Variants in SORCS2 observed in about 807,000 individuals in gnomAD.
SORCS2 encodes the protein sortilin related VPS10 domain containing receptor 2.
Under a neutral mutation model 141.6 loss-of-function variants are expected in SORCS2, and 100 were observed. That is an observed-to-expected ratio of 0.71 (90% CI 0.60 to 0.83). The LOEUF is 0.83. Ranked by LOEUF, SORCS2 falls within the 40% of genes least tolerant of loss-of-function variation. The pLI is 0.00. For missense variants in SORCS2, 1,646 were observed against 1,560.2 expected, an observed-to-expected ratio of 1.05 and a Z score of -0.93; for synonymous variants, 789 against 676.9, an observed-to-expected ratio of 1.17 and a Z score of -2.57.
chr4:7,416,552 G>A (rs1725687221), intron 2 of SORCS2, among the ~76,000 whole-genome samples: 1 of 152,062 alleles, frequency 6.6e-6, no homozygotes, highest in Admixed American at 6.5e-5. Flanking sequence ...ACACGTGCAT[G>A]CATGTGCACA....
At chr4:7,666,752 G>T (rs575512007) in intron 7 of SORCS2, among the ~76,000 whole-genome samples, 1 of 152,106 alleles carries the variant, frequency 6.6e-6, no homozygotes, top group Non-Finnish European at 1.5e-5. Context: ...AGATGGTGCC[G>T]GCTTTGTTTG....
chr4:7,414,166 C>A (rs1012750418), intron 2 of SORCS2, among the ~76,000 whole-genome samples: 4 of 152,204 alleles, frequency 2.6e-5, no homozygotes, highest in East Asian at 1.9e-4. Flanking sequence ...TAGGCATCAA[C>A]AATTCAGACT....
chr4:7,731,684 A>G (rs1020610546), intron 23 of SORCS2, among the ~76,000 whole-genome samples: 5 of 152,236 alleles, frequency 3.3e-5, no homozygotes, highest in African/African-American at 4.8e-5. Context: ...TTGATTTTCA[A>G]TAAAGCTGTC....
intron 2 of SORCS2, among the ~76,000 whole-genome samples, chr4:7,396,627 T>G (rs4689724): frequency 6.6e-6 from 1 of 152,230 alleles, no homozygotes; most frequent in Non-Finnish European, 1.5e-5. Context: ...CGCTTCCTTT[T>G]TTTCCTCCCC....
chr4:7,546,742 A>AC (rs1456298639), intron 3 of SORCS2, among the ~76,000 whole-genome samples: 1 of 152,206 alleles, frequency 6.6e-6, no homozygotes, highest in Non-Finnish European at 1.5e-5. Context: ...CACTGTGGTC[A>AC]CGCAGCTTCC....
At chr4:7,705,904 C>T (rs1020494630) in intron 14 of SORCS2, among the ~76,000 whole-genome samples, 8 of 152,262 alleles carry the variant, frequency 5.3e-5, no homozygotes, top group Non-Finnish European at 8.8e-5. Context: ...CAGGAGGCCA[C>T]GGGAGGACAG....
intron 1 of SORCS2, among the ~76,000 whole-genome samples, chr4:7,273,559 G>T (rs116101084): frequency 1.3e-5 from 2 of 152,186 alleles, no homozygotes; most frequent in Non-Finnish European, 2.9e-5. Context: ...GGGGGTGGAC[G>T]TCCAGGGGTA....
chr4:7,407,585 G>A (rs1725049026), intron 2 of SORCS2, among the ~76,000 whole-genome samples: 1 of 152,032 alleles, frequency 6.6e-6, no homozygotes, highest in Admixed American at 6.6e-5. Flanking sequence ...GGTGAAGTGG[G>A]TTTCTCATAG....
chr4:7,497,040 T>C (rs1731675321), intron 2 of SORCS2, among the ~76,000 whole-genome samples: 1 of 152,034 alleles, frequency 6.6e-6, no homozygotes, highest in South Asian at 2.1e-4. Flanking sequence ...CAAACAATAG[T>C]GTTGTGGATG....
intron 2 of SORCS2, among the ~76,000 whole-genome samples, chr4:7,459,568 A>T (rs973534123): frequency 6.6e-6 from 1 of 152,138 alleles, no homozygotes; most frequent in African/African-American, 2.4e-5. Context: ...TGATGCCACG[A>T]TGCCTGGCCC....
intron 2 of SORCS2, among the ~76,000 whole-genome samples, chr4:7,463,674 A>T (rs1245568938): frequency 6.6e-6 from 1 of 152,212 alleles, no homozygotes; most frequent in Non-Finnish European, 1.5e-5. Flanking sequence ...TGCTTGCTGA[A>T]TTTGGAAATA....
intron 2 of SORCS2, among the ~76,000 whole-genome samples, chr4:7,515,236 C>T (rs758524877): frequency 6.6e-6 from 1 of 152,218 alleles, no homozygotes; most frequent in Non-Finnish European, 1.5e-5. Context: ...AGCTCAAGGT[C>T]ACACAGCTTG....
At chr4:7,296,576 C>T (rs1014803009) in intron 1 of SORCS2, among the ~76,000 whole-genome samples, 3 of 152,218 alleles carry the variant, frequency 2.0e-5, no homozygotes, top group African/African-American at 4.8e-5. Context: ...TCCTGCGAGG[C>T]ACCGATGGAG....
At chr4:7,454,294 CTGTGTTGGGGTTAGGAGCTG>C (rs1728709930) in intron 2 of SORCS2, among the ~76,000 whole-genome samples, 1 of 102,708 alleles carries the variant, frequency 9.7e-6, no homozygotes, top group Non-Finnish European at 1.9e-5. Context: ...GGGTCAGGCG[CTGTGTTGGGGTTAGGAGCTG>C]TGTGTTGGGG....
intron 1 of SORCS2, among the ~76,000 whole-genome samples, chr4:7,349,851 C>G (rs1720839336): frequency 2.0e-5 from 3 of 152,286 alleles, no homozygotes; most frequent in South Asian, 4.1e-4. Context: ...ACATAACGCC[C>G]CTAGAGCTGC....
chr4:7,366,004 C>T (rs1044287490), intron 1 of SORCS2, among the ~76,000 whole-genome samples: 7 of 152,192 alleles, frequency 4.6e-5, no homozygotes, highest in Non-Finnish European at 7.3e-5. Flanking sequence ...CTGCAACAAG[C>T]GGGATCTCTG....
At chr4:7,472,173 C>T (rs1366075999) in intron 2 of SORCS2, among the ~76,000 whole-genome samples, 1 of 151,508 alleles carries the variant, frequency 6.6e-6, no homozygotes, top group Non-Finnish European at 1.5e-5. Context: ...CTGCTGCAGG[C>T]ACAGAGGGGC....
intron 3 of SORCS2, among the ~76,000 whole-genome samples, chr4:7,589,899 G>A (rs900533737): frequency 4.6e-5 from 7 of 152,224 alleles, no homozygotes; most frequent in Non-Finnish European, 7.3e-5. Context: ...CTAGAGCAGC[G>A]CAAATATGGA....
At chr4:7,537,819 CAACATAAA>C (rs1712254236) in intron 3 of SORCS2, among the ~76,000 whole-genome samples, 1 of 151,956 alleles carries the variant, frequency 6.6e-6, no homozygotes, top group African/African-American at 2.4e-5. Flanking sequence ...CCAGCCTGGC[CAACATAAA>C]AACATAAAAA....
Sources: allele counts gnomAD v4.1 joint callset (sites outside exome capture counted in the v4.1 genomes callset), GRCh38; gene constraint gnomAD v4.1.1; transcripts MANE v1.5; gene names NCBI Gene and HGNC (gene_info 2026-07-23, HGNC 2026-07-21).